Variants in CDC45 observed in about 807,000 individuals in gnomAD.
CDC45 encodes the protein cell division cycle 45, also known as cell division control protein 45 homolog.
In CDC45, 54 loss-of-function variants were observed where a neutral mutation model predicts 77.8. The observed-to-expected ratio is 0.69, with a 90% CI of 0.56 to 0.87. CDC45 has a LOEUF of 0.87. CDC45 is among the 40% of genes least tolerant of loss of function. The probability of loss-of-function intolerance (pLI) is 0.00; values close to 1 mark genes in which losing one functional copy is unlikely to be tolerated. For missense variants in CDC45, 649 were observed against 721.6 expected (o/e 0.90, Z 1.15); for synonymous variants, 260 against 272.1 (o/e 0.96, Z 0.44).
chr22:19,482,619 C>T, intron 3 of CDC45, 71 bp from the exon 4 acceptor site: 4 of 1,519,016 alleles, frequency 2.6e-6, no homozygotes, highest in Non-Finnish European at 2.7e-6. Context: ...CAGAACAACT[C>T]AGAGGCTTAG....
intron 5 of CDC45, among the ~76,000 whole-genome samples, chr22:19,490,379 A>C (rs1037391102): frequency 3.6e-4 from 53 of 146,084 alleles, no homozygotes; most frequent in African/African-American, 1.3e-3. Flanking sequence ...TGTTATTTGT[A>C]TTTTTATTTT....
chr22:19,505,357 T>C lies in CDC45; in HGVS notation c.705-5T>C, dbSNP rs201892503. The C allele has an allele frequency of 4.7e-4, 758 of 1,613,996 alleles. 6 individuals are homozygous for C. The Middle Eastern group carries it at 6.8e-3, about 14-fold the overall frequency. On this transcript the variant is annotated splice_polypyrimidine_tract_variant and splice_region_variant and intron_variant, in intron 9 of 18. Coordinates refer to ENST00000263201, the MANE Select transcript of CDC45 (RefSeq NM_003504.5). Reference sequence around the variant, plus strand: ...AGCCGAGGCTTGTGCTACTTTTTTTTCCAGAATGAAATACGTGACTGATGT... The same window carrying C: ...AGCCGAGGCTTGTGCTACTTTTTTTCCCAGAATGAAATACGTGACTGATGT...
intron 9 of CDC45, among the ~76,000 whole-genome samples, chr22:19,504,062 G>T (rs1027561178): frequency 1.3e-5 from 2 of 152,242 alleles, no homozygotes; most frequent in African/African-American, 2.4e-5. Flanking sequence ...CAGCGAAGGC[G>T]CACCAAGCCG....
At chr22:19,499,433 C>G (rs564347508) in intron 9 of CDC45, among the ~76,000 whole-genome samples, 1 of 152,118 alleles carries the variant, frequency 6.6e-6, no homozygotes, top group African/African-American at 2.4e-5. Context: ...CCAGCAGGGC[C>G]AGGCTTAGAG....
rs750295394 is a variant in CDC45 at position 19,516,900 on chromosome 22, G to A, written c.1636+7G>A. 1 of 1,608,424 alleles carries A rather than the reference G, an allele frequency of 6.2e-7. No homozygotes were observed. On this transcript the variant is annotated splice_region_variant and intron_variant, in intron 17 of 18. Transcript: ENST00000263201. ...AACCATTTTGACCTCTCAGGTGAGA[G>A]TCTCCTGCCACTCTGCCACACTTTC...
At position 19,482,763 on chromosome 22, in the gene CDC45, C is replaced by CTA. The variant is rs1568911281; in HGVS notation, c.282_283dup (p.Phe95TyrfsTer67). 6.2e-7 allele frequency: 1 copy of CTA among 1,611,724 alleles called. No homozygotes were observed. The highest frequency in any genetic ancestry group is 2.2e-5 in the East Asian group (1 of 44,876). On this transcript the variant is annotated frameshift_variant, in exon 4 of 19. Transcript: ENST00000263201. LOFTEE classifies it high-confidence loss of function. ...GATATTCTTCAACCTGATGAAGACA[C>CTA]TATATTCTTTGTGTGTGACACCCAT...
chr22:19,483,758 A>G, intron 4 of CDC45, 104 bp from the exon 5 acceptor site: 1 of 1,130,088 alleles, frequency 8.8e-7, no homozygotes, highest in Admixed American at 2.4e-5. Context: ...TGAACAGGAA[A>G]CTGAGTCAGC....
rs1568940874 is a variant in CDC45, at chr22:19,520,076, C to T, written c.*2-405C>T. Among the ~76,000 whole-genome samples, 1 of 151,432 alleles carries T rather than the reference C, an allele frequency of 6.6e-6. No homozygotes were observed. Among genetic ancestry groups the T allele is most frequent in the Non-Finnish European group, 1.5e-5 (1 of 68,012 alleles). On this transcript the variant is annotated intron_variant, in intron 18 of 18. Coordinates refer to ENST00000263201, the MANE Select transcript of CDC45 (RefSeq NM_003504.5). The surrounding 1 kb of genome is among the most constrained non-coding windows in gnomAD (Gnocchi z 4.5). ...GTGGAGTGGGTGCTAGAGGCAAACC[C>T]CTCCCCTGCAGCCTGCTTGGTGGTG...
intron 6 of CDC45, 78 bp downstream of exon 6, chr22:19,494,460 A>G (rs772315522): frequency 3.2e-5 from 51 of 1,590,088 alleles, no homozygotes; most frequent in Non-Finnish European, 4.4e-5. Context: ...CATACCTCTG[A>G]CTTCCTGTCT....
At chr22:19,494,242 C>T in intron 5 of CDC45, 85 bp from the exon 6 acceptor site, 8 of 1,251,718 alleles carry the variant, frequency 6.4e-6, no homozygotes, top group Non-Finnish European at 9.2e-6. Flanking sequence ...CTACTGACTT[C>T]TGCCAAATTG....
chr22:19,507,869 A>G lies in CDC45; in HGVS notation c.1055+5A>G. ...AGAGTCTGCAAATAAATTTGGGTAA[A>G]CACACATTTTTCTGGATTTATCTTC... On this transcript the variant is annotated splice_donor_5th_base_variant and intron_variant, in intron 12 of 18. Transcript: ENST00000263201. The G allele has an allele frequency of 1.3e-6, 2 of 1,580,670 alleles. No individual in the cohort carries two copies. The highest frequency in any genetic ancestry group is 2.3e-5 in the South Asian group (2 of 87,492).
At chr22:19,501,192 A>G (rs978541747) in intron 9 of CDC45, among the ~76,000 whole-genome samples, 11 of 151,962 alleles carry the variant, frequency 7.2e-5, no homozygotes, top group Non-Finnish European at 1.6e-4. Context: ...AAAAAAACAA[A>G]CCAAAACAAA....
intron 3 of CDC45, 143 bp from the exon 4 acceptor site, chr22:19,482,547 C>T: frequency 1.2e-6 from 1 of 807,458 alleles, no homozygotes; most frequent in South Asian, 1.9e-5. Flanking sequence ...CCAGCCTGGC[C>T]ATTTTTTGGA....
intron 17 of CDC45, among the ~76,000 whole-genome samples, chr22:19,517,572 G>C (rs1933870639): frequency 6.6e-6 from 1 of 152,194 alleles, no homozygotes; most frequent in Admixed American, 6.5e-5. Context: ...AGACAGGGTG[G>C]CTTCAACCAC....
intron 13 of CDC45, among the ~76,000 whole-genome samples, chr22:19,513,157 C>T (rs1933607421): frequency 6.6e-6 from 1 of 152,204 alleles, no homozygotes; most frequent in Non-Finnish European, 1.5e-5. Flanking sequence ...GATCAGATTT[C>T]AACATGAGGT....
intron 3 of CDC45, among the ~76,000 whole-genome samples, chr22:19,482,099 G>T (rs1228420187): frequency 6.6e-6 from 1 of 152,096 alleles, no homozygotes; most frequent in Non-Finnish European, 1.5e-5. Flanking sequence ...ATGGGACATT[G>T]TACACCCCAC....
At chr22:19,494,541 G>A (rs746012338) in intron 6 of CDC45, 159 bp downstream of exon 6, 7 of 1,551,102 alleles carry the variant, frequency 4.5e-6, no homozygotes, top group East Asian at 4.9e-5. Context: ...CGCTGCATTG[G>A]AGAAGAGCTC....
In CDC45 at chr22:19,483,171, G is replaced by A. The variant is rs146631185; in HGVS notation, c.342+344G>A. 4.4e-3 allele frequency among the ~76,000 whole-genome samples: 677 copies of A among 152,228 alleles called. 5 individuals carry two copies. Among genetic ancestry groups the A allele is most frequent in the African/African-American group, 0.015 (636 of 41,552 alleles). On this transcript the variant is annotated intron_variant, in intron 4 of 18. Coordinates refer to ENST00000263201, the MANE Select transcript of CDC45 (RefSeq NM_003504.5). Reference sequence around the variant, plus strand: ...GTCTTGGCTGGGCGCGGTGGCTCACGCCTGTAATCCCAGCACTTTGGGAGG... The same window carrying A: ...GTCTTGGCTGGGCGCGGTGGCTCACACCTGTAATCCCAGCACTTTGGGAGG...
chr22:19,497,473 TG>T (rs1249106517), intron 8 of CDC45, 26 bp downstream of exon 8: 2 of 1,604,260 alleles, frequency 1.2e-6, no homozygotes, highest in Admixed American at 3.3e-5. Flanking sequence ...GGCAGCTGTG[TG>T]GGAGTATTTG....
Sources: allele counts gnomAD v4.1 joint callset (sites outside exome capture counted in the v4.1 genomes callset), GRCh38; gene constraint gnomAD v4.1.1; non-coding constraint Gnocchi (gnomAD v3.1); transcripts MANE v1.5; gene names NCBI Gene and HGNC (gene_info 2026-07-23, HGNC 2026-07-21).